Variants in MAGI1 observed in about 807,000 individuals in gnomAD.
The protein encoded by MAGI1 is membrane associated guanylate kinase, WW and PDZ domain containing 1.
Under a neutral mutation model 139.9 loss-of-function variants are expected in MAGI1, and 58 were observed. The ratio of observed to expected loss-of-function variants is 0.41; its 90% CI spans 0.34 to 0.52. The LOEUF (loss-of-function observed/expected upper bound fraction) is 0.52. Among genes scored for constraint, MAGI1 ranks in the 20% least tolerant of loss-of-function variants. The pLI is 0.12. For synonymous variants in MAGI1, 812 were observed against 737.9 expected, an observed-to-expected ratio of 1.10 and a Z score of -1.63; for missense variants, 1,874 against 1,901.6, an observed-to-expected ratio of 0.99 and a Z score of 0.27.
At chr3:66,010,722 T>C (rs1321800514) in intron 1 of MAGI1, among the ~76,000 whole-genome samples, 2 of 152,224 alleles carry the variant, frequency 1.3e-5, no homozygotes, top group African/African-American at 2.4e-5. Flanking sequence ...TTTGTGGTAT[T>C]TGGAGAAGTC....
intron 12 of MAGI1, among the ~76,000 whole-genome samples, chr3:65,407,866 T>C (rs1945480814): frequency 6.6e-6 from 1 of 152,200 alleles, no homozygotes; most frequent in Non-Finnish European, 1.5e-5. Flanking sequence ...CAATGGCACA[T>C]ACTGGCCTTA....
chr3:65,535,110 T>C (rs1356480549), intron 2 of MAGI1, among the ~76,000 whole-genome samples: 1 of 151,990 alleles, frequency 6.6e-6, no homozygotes, highest in Non-Finnish European at 1.5e-5. Context: ...GTGGTGTTGT[T>C]CTTGTTCCCC....
At position 65,419,227 on chromosome 3, in the gene MAGI1, C is replaced by CACACACACACACACACACACAT. The variant is rs1357819673; in HGVS notation, c.2167+10292_2167+10293insATGTGTGTGTGTGTGTGTGTGT. Among the ~76,000 whole-genome samples the CACACACACACACACACACACAT allele has an allele frequency of 8.1e-3, 1,158 of 142,560 alleles. 12 individuals carry two copies. Among genetic ancestry groups the CACACACACACACACACACACAT allele is most frequent in the African/African-American group, 0.029 (1,091 of 37,256 alleles). 93.5% of individuals were successfully genotyped at this position (142,560 alleles called of 152,430 possible). ...ACATTTTATAACACATTCATACACA[C>CACACACACACACACACACACAT]ACACACACACACACACACAAGTGTA... On this transcript the variant is annotated intron_variant, in intron 12 of 22. Transcript: ENST00000402939.
intron 1 of MAGI1, among the ~76,000 whole-genome samples, chr3:65,763,890 G>A (rs926723078): frequency 6.6e-6 from 1 of 151,788 alleles, no homozygotes; most frequent in East Asian, 1.9e-4. Context: ...GGGCAACATG[G>A]AGAAACCCCA....
chr3:65,360,907 C>G, intron 22 of MAGI1: 1 of 1,360,810 alleles, frequency 7.3e-7, no homozygotes, highest in Non-Finnish European at 9.5e-7. Flanking sequence ...TGGCACAGTA[C>G]AAACAAACAT....
intron 2 of MAGI1, among the ~76,000 whole-genome samples, chr3:65,594,512 G>A (rs2082098771): frequency 6.6e-6 from 1 of 152,184 alleles, no homozygotes; most frequent in South Asian, 2.1e-4. Context: ...ATCAGACACA[G>A]AGATCAGCAG....
intron 1 of MAGI1, among the ~76,000 whole-genome samples, chr3:65,701,200 T>G (rs1307740544): frequency 2.0e-5 from 3 of 152,136 alleles, no homozygotes; most frequent in Non-Finnish European, 2.9e-5. Context: ...AAAAAACTGA[T>G]GTACCAATAG....
intron 1 of MAGI1, among the ~76,000 whole-genome samples, chr3:65,693,870 G>A (rs1415454324): frequency 1.3e-5 from 2 of 149,586 alleles, no homozygotes; most frequent in Non-Finnish European, 3.0e-5. Context: ...TTACAGGCGT[G>A]GACCATCATG....
intron 1 of MAGI1, among the ~76,000 whole-genome samples, chr3:65,832,195 C>T (rs1465020463): frequency 6.6e-6 from 1 of 152,206 alleles, no homozygotes; most frequent in East Asian, 1.9e-4. Flanking sequence ...TGCAGATCCA[C>T]TAGGCACCAC....
intron 1 of MAGI1, among the ~76,000 whole-genome samples, chr3:66,028,951 A>G (rs1204802940): frequency 6.6e-6 from 1 of 152,198 alleles, no homozygotes; most frequent in Admixed American, 6.5e-5. Context: ...GGAGCATTCA[A>G]ACAATTACAG....
chr3:65,864,908 G>A (rs2059669984), intron 1 of MAGI1, among the ~76,000 whole-genome samples: 1 of 152,106 alleles, frequency 6.6e-6, no homozygotes, highest in Non-Finnish European at 1.5e-5. Flanking sequence ...TATGCAAATG[G>A]TCATCATTAT....
intron 12 of MAGI1, 31 bp from the exon 13 acceptor site, chr3:65,401,501 G>A (rs751257804): frequency 1.9e-6 from 3 of 1,609,164 alleles, no homozygotes; most frequent in Middle Eastern, 1.7e-4. Flanking sequence ...AGGGGAGGGG[G>A]GAAGAAATCA....
chr3:65,984,258 C>CA (rs2065751852), intron 1 of MAGI1, among the ~76,000 whole-genome samples: 1 of 152,142 alleles, frequency 6.6e-6, no homozygotes, highest in South Asian at 2.1e-4. Context: ...TGTGCCATTG[C>CA]ACTCCAGCCT....
At chr3:65,841,188 G>C (rs1274767976) in intron 1 of MAGI1, among the ~76,000 whole-genome samples, 1 of 151,736 alleles carries the variant, frequency 6.6e-6, no homozygotes, top group East Asian at 1.9e-4. Context: ...TGTTAGTCTT[G>C]CCAGATAACC....
At chr3:66,029,480 T>C (rs1385734042) in intron 1 of MAGI1, among the ~76,000 whole-genome samples, 4 of 152,150 alleles carry the variant, frequency 2.6e-5, no homozygotes, top group Non-Finnish European at 5.9e-5. Flanking sequence ...GTAATTATCT[T>C]ATGGAACTCA....
At chr3:65,669,132 T>A (rs1216163252) in intron 1 of MAGI1, among the ~76,000 whole-genome samples, 2 of 152,102 alleles carry the variant, frequency 1.3e-5, no homozygotes, top group Non-Finnish European at 2.9e-5. Flanking sequence ...AGACAGGGTT[T>A]CACCATCTTG....
intron 13 of MAGI1, among the ~76,000 whole-genome samples, chr3:65,393,403 C>T (rs1944095328): frequency 6.6e-6 from 1 of 152,090 alleles, no homozygotes; most frequent in East Asian, 1.9e-4. Flanking sequence ...TATCATTATA[C>T]TTTCCCATAT....
At chr3:65,567,299 C>T in intron 2 of MAGI1, among the ~76,000 whole-genome samples, 1 of 152,086 alleles carries the variant, frequency 6.6e-6, no homozygotes, top group South Asian at 2.1e-4. Flanking sequence ...TGAGGCCATT[C>T]CTGCTTCCTG....
At chr3:65,861,452 T>C (rs753186669) in intron 1 of MAGI1, among the ~76,000 whole-genome samples, 61 of 152,170 alleles carry the variant, frequency 4.0e-4, no homozygotes, top group Non-Finnish European at 6.9e-4. Context: ...AGAAAAGAAC[T>C]AAACCCCTTA....
Sources: gnomAD v4.1 joint callset for allele counts (sites outside exome capture counted in the v4.1 genomes callset) on GRCh38, gnomAD v4.1.1 for gene constraint, MANE v1.5 for transcripts, NCBI Gene and HGNC (gene_info 2026-07-23, HGNC 2026-07-21) for gene names.